The following NTRK2 variants were observed in gnomAD, a reference collection of about 807,000 sequenced individuals.
NTRK2 encodes BDNF/NT-3 growth factors receptor.
NTRK2 carries 13 observed loss-of-function variants against 94.5 expected under a neutral mutation model. The observed-to-expected ratio is 0.14, with a 90% confidence interval of 0.09 to 0.22. The LOEUF (loss-of-function observed/expected upper bound fraction) is 0.22, where lower values mean the gene tolerates loss of function less well. Among genes scored for constraint, NTRK2 ranks in the 10% least tolerant of loss-of-function variants. The probability of loss-of-function intolerance (pLI) is 1.00; values close to 1 mark genes in which losing one functional copy is unlikely to be tolerated. For synonymous variants in NTRK2, 372 were observed against 407.4 expected (o/e 0.91, Z 1.05); for missense variants, 639 against 1,071.2 (o/e 0.60, Z 5.63).
chr9:84,720,709 A>G (rs2062003394), intron 6 of NTRK2, among the ~76,000 whole-genome samples: 1 of 152,206 alleles, frequency 6.6e-6, no homozygotes, highest in Admixed American at 6.5e-5. Context: ...GATATAGAGA[A>G]AAGAAAAATT....
chr9:84,870,152 C>T (rs2075784820), intron 14 of NTRK2, among the ~76,000 whole-genome samples: 1 of 137,828 alleles, frequency 7.3e-6, no homozygotes, highest in African/African-American at 2.7e-5. Flanking sequence ...TATATATACA[C>T]ACACATACAT....
chr9:84,939,067 A>AAAAAAAAAG lies in NTRK2; in HGVS notation c.1764+4779_1764+4780insAAAAGAAAA, dbSNP rs1554772373. Among the ~76,000 whole-genome samples, 26 of 144,592 alleles carry AAAAAAAAAG rather than the reference A, an allele frequency of 1.8e-4. 1 individual carries two copies. The highest frequency in any genetic ancestry group is 8.3e-4 in the East Asian group (4 of 4,838). 94.9% of individuals were successfully genotyped at this position (144,592 alleles called of 152,430 possible). On this transcript the variant is annotated intron_variant, in intron 15 of 18. Transcript: ENST00000277120. ...ACCCCAACTCAAAAAAAAAAAAAAA[A>AAAAAAAAAG]AAAAGAAAAGAAAAGAAAAAAAAAG...
chr9:84,989,616 C>T (rs922446857), intron 17 of NTRK2, among the ~76,000 whole-genome samples: 1 of 152,152 alleles, frequency 6.6e-6, no homozygotes, highest in African/African-American at 2.4e-5. Flanking sequence ...TCAGACCCAC[C>T]CTGAAAGTCA....
chr9:84,947,956 C>T (rs371398798), intron 15 of NTRK2, among the ~76,000 whole-genome samples: 4 of 152,162 alleles, frequency 2.6e-5, no homozygotes, highest in Non-Finnish European at 5.9e-5. Flanking sequence ...TTTTGTGAGC[C>T]GGCAGTGTTT....
chr9:84,763,880 G>A (rs963959932), intron 12 of NTRK2, among the ~76,000 whole-genome samples: 1 of 151,684 alleles, frequency 6.6e-6, no homozygotes, highest in Admixed American at 6.6e-5. Context: ...CTAGAACATG[G>A]CTTCTCTTTT....
intron 12 of NTRK2, chr9:84,814,691 A>G: frequency 9.4e-7 from 1 of 1,064,788 alleles, no homozygotes; most frequent in Non-Finnish European, 1.1e-6. Context: ...ACTACACTAG[A>G]AGTTTATTTC....
rs563216149 is a variant in NTRK2, at chr9:84,671,023, G to T, written c.212+63G>T. On this transcript the variant is annotated intron_variant, in intron 2 of 18. Coordinates refer to ENST00000277120, the MANE Select transcript of NTRK2 (RefSeq NM_006180.6). ...CCCTAGGGCCCGAGCTGGCCAGGTGGGTAGGTCCTGGAAGTGAATGCTGTC... is the reference window on the plus strand; with the variant it reads ...CCCTAGGGCCCGAGCTGGCCAGGTGTGTAGGTCCTGGAAGTGAATGCTGTC... 278 of 1,492,904 alleles carry T rather than the reference G, an allele frequency of 1.9e-4. 1 individual carries two copies. The African/African-American group carries it at 3.3e-3, about 18-fold the overall frequency. The allele number at this position is 1,492,904 out of a possible 1,614,324, so 92.5% of individuals were successfully genotyped here. A position where few individuals can be genotyped will look rare whatever the true frequency, so the allele number is the denominator to read the frequency against.
At chr9:84,873,343 G>A (rs1296171467) in intron 14 of NTRK2, 9 of 1,058,372 alleles carry the variant, frequency 8.5e-6, no homozygotes, top group Non-Finnish European at 1.0e-5. Context: ...ATTCTGCCCA[G>A]CACGAGCATT....
intron 12 of NTRK2, among the ~76,000 whole-genome samples, chr9:84,798,149 A>G (rs3011687): frequency 0.84 from 127,132 of 151,372 alleles, 53,540 homozygotes; most frequent in East Asian, 0.91. Flanking sequence ...TTTCTGGTTC[A>G]TAGATGGCAC....
intron 17 of NTRK2, among the ~76,000 whole-genome samples, chr9:85,003,065 C>A (rs1258131674): frequency 6.6e-6 from 1 of 152,184 alleles, no homozygotes; most frequent in Non-Finnish European, 1.5e-5. Flanking sequence ...CACAATATTT[C>A]TCTTTATTGT....
chr9:84,784,825 C>T (rs1228633533), intron 12 of NTRK2, among the ~76,000 whole-genome samples: 2 of 151,978 alleles, frequency 1.3e-5, no homozygotes, highest in Admixed American at 1.3e-4. Context: ...CAGTACAAGT[C>T]AAAATACTAG....
intron 6 of NTRK2, among the ~76,000 whole-genome samples, chr9:84,713,899 T>A (rs78704635): frequency 2.6e-5 from 4 of 151,716 alleles, no homozygotes; most frequent in Non-Finnish European, 4.4e-5. Context: ...TTTTTTTTTT[T>A]AATTCTGCTT....
chr9:84,864,164 A>G (rs1409721771), intron 13 of NTRK2, among the ~76,000 whole-genome samples: 8 of 152,190 alleles, frequency 5.3e-5, no homozygotes, highest in Admixed American at 6.5e-5. Flanking sequence ...TCTGATGTTC[A>G]TGAACTTCAG....
At chr9:84,848,381 A>G (rs188994262) in intron 12 of NTRK2, among the ~76,000 whole-genome samples, 1 of 152,288 alleles carries the variant, frequency 6.6e-6, no homozygotes, top group East Asian at 1.9e-4. Flanking sequence ...AGTTGTTTCT[A>G]TGGAGTCTGA....
chr9:84,669,712 C>G (rs2058575462), upstream of NTRK2: 1 of 153,786 alleles, frequency 6.5e-6, no homozygotes, highest in Non-Finnish European at 1.4e-5. The surrounding 1 kb of genome is among the most constrained non-coding windows in gnomAD (Gnocchi z 4.1). Context: ...CCCTGCTCTG[C>G]GTCAGCCCTC....
intron 5 of NTRK2, among the ~76,000 whole-genome samples, chr9:84,710,398 T>C (rs1368330635): frequency 6.6e-6 from 1 of 152,246 alleles, no homozygotes; most frequent in Non-Finnish European, 1.5e-5. Flanking sequence ...GTCTCTATCT[T>C]GTTTCCCCTG....
chr9:85,004,969 T>G (rs1037736991), intron 17 of NTRK2, among the ~76,000 whole-genome samples: 14 of 152,198 alleles, frequency 9.2e-5, no homozygotes, highest in African/African-American at 2.7e-4. Context: ...CTAAGCATCC[T>G]AGAGATTTGA....
chr9:84,987,043 C>T (rs1336609598), intron 17 of NTRK2, among the ~76,000 whole-genome samples: 1 of 152,148 alleles, frequency 6.6e-6, no homozygotes, highest in African/African-American at 2.4e-5. Context: ...CACACCTGCT[C>T]CTATAAATGG....
chr9:84,730,739 T>TTA (rs2062799640), intron 9 of NTRK2, among the ~76,000 whole-genome samples: 3 of 6,078 alleles, frequency 4.9e-4, no homozygotes, highest in African/African-American at 1.0e-3. Context: ...AGACTCCGTC[T>TTA]CAAAAAAAAA....
Sources: allele counts gnomAD v4.1 joint callset (sites outside exome capture counted in the v4.1 genomes callset), GRCh38; gene constraint gnomAD v4.1.1; non-coding constraint Gnocchi (gnomAD v3.1); transcripts MANE v1.5; gene names NCBI Gene and HGNC (gene_info 2026-07-23, HGNC 2026-07-21).